LRBA: variants seen among roughly 807,000 people sequenced by gnomAD.
The protein encoded by LRBA is LPS responsive beige-like anchor protein, also known as lipopolysaccharide-responsive and beige-like anchor protein.
Under a neutral mutation model 330.0 loss-of-function variants are expected in LRBA, and 176 were observed. That is an observed-to-expected ratio of 0.53 (90% confidence interval 0.47 to 0.60). The LOEUF (loss-of-function observed/expected upper bound fraction) is 0.60. LRBA is among the 20% of genes least tolerant of loss of function. The probability of loss-of-function intolerance (pLI) is 0.00; values close to 1 mark genes in which losing one functional copy is unlikely to be tolerated. For missense variants in LRBA, 3,259 were observed against 3,444.8 expected (o/e 0.95, Z 1.35); for synonymous variants, 1,230 against 1,193.0 (o/e 1.03, Z -0.64).
At chr4:150,490,450 T>C (rs1758773472) in intron 41 of LRBA, among the ~76,000 whole-genome samples, 1 of 151,870 alleles carries the variant, frequency 6.6e-6, no homozygotes, top group African/African-American at 2.4e-5. Flanking sequence ...TCAAGAATGA[T>C]GAAATACAGA....
chr4:150,840,837 TA>T (rs1748964083), intron 28 of LRBA: 10 of 833,112 alleles, frequency 1.2e-5, no homozygotes, highest in Non-Finnish European at 1.5e-5. Flanking sequence ...CAAAGCACAG[TA>T]AAATGAGGCA....
rs1553954471 is a variant in LRBA, at chr4:150,754,541, A to AAAG, written c.5645+7241_5645+7242insCTT. ...CTCACCAAAAAAAAAAAAAAAAAAA[A>AAAG]AGAGAGAGAGAGAGATAAAGTCTCT... On this transcript the variant is annotated intron_variant, in intron 35 of 56. Coordinates refer to ENST00000651943, the MANE Select transcript of LRBA (RefSeq NM_001364905.1). 2.5e-4 allele frequency among the ~76,000 whole-genome samples: 30 copies of AAAG among 119,114 alleles called. 1 individual carries two copies. Among genetic ancestry groups the AAAG allele is most frequent in the East Asian group, 2.1e-3 (8 of 3,900 alleles). 78.1% of individuals were successfully genotyped at this position (119,114 alleles called of 152,430 possible).
At chr4:150,824,411 T>G (rs1745929159) in intron 30 of LRBA, among the ~76,000 whole-genome samples, 1 of 152,182 alleles carries the variant, frequency 6.6e-6, no homozygotes, top group Non-Finnish European at 1.5e-5. Context: ...CATTTCTTTC[T>G]CTTGTCTGAT....
At chr4:150,821,775 A>G (rs1745479346) in intron 30 of LRBA, among the ~76,000 whole-genome samples, 1 of 152,176 alleles carries the variant, frequency 6.6e-6, no homozygotes. Context: ...CCTGGCATTC[A>G]CTAATCATCA....
At position 150,755,269 on chromosome 4, in the gene LRBA, G is replaced by A. The variant is rs190521922; in HGVS notation, c.5645+6514C>T. Reference sequence around the variant, plus strand: ...CTCGAAGCATTATGTCTTTTATGTGGGCTATTTATATATTTGTATACAAGT... The same window carrying A: ...CTCGAAGCATTATGTCTTTTATGTGAGCTATTTATATATTTGTATACAAGT... On this transcript the variant is annotated intron_variant, in intron 35 of 56. Transcript: ENST00000651943. Among the ~76,000 whole-genome samples, 51 of 152,254 alleles carry A rather than the reference G, an allele frequency of 3.3e-4. 1 individual carries two copies. The highest frequency in any genetic ancestry group is 1.2e-3 in the African/African-American group (51 of 41,550).
At chr4:150,480,422 T>C (rs1757169632) in intron 42 of LRBA, among the ~76,000 whole-genome samples, 1 of 152,038 alleles carries the variant, frequency 6.6e-6, no homozygotes, top group Non-Finnish European at 1.5e-5. Context: ...TACAAAATCC[T>C]TAATCTATAG....
intron 17 of LRBA, among the ~76,000 whole-genome samples, chr4:150,876,187 G>A (rs553401992): frequency 7.9e-5 from 12 of 152,146 alleles, no homozygotes; most frequent in African/African-American, 2.6e-4. Context: ...TCAAAAACAG[G>A]TTGAAAAATG....
At chr4:150,929,162 T>C in intron 2 of LRBA, 97 bp from the exon 3 acceptor site, 1 of 693,496 alleles carries the variant, frequency 1.4e-6, no homozygotes, top group Non-Finnish European at 2.3e-6. Context: ...ACTACTCACA[T>C]TCTTCCTCCA....
chr4:150,442,764 G>T (rs1752003294), intron 44 of LRBA, among the ~76,000 whole-genome samples: 1 of 152,018 alleles, frequency 6.6e-6, no homozygotes. Flanking sequence ...TCAGGTTAAA[G>T]GACAGAATAT....
chr4:150,402,243 C>G (rs2151930060), intron 47 of LRBA, among the ~76,000 whole-genome samples: 1 of 147,706 alleles, frequency 6.8e-6, no homozygotes, highest in East Asian at 2.0e-4. Context: ...AGATCAGGCA[C>G]TTTCAGGGTG....
At chr4:150,962,133 A>C (rs1287459737) in intron 2 of LRBA, among the ~76,000 whole-genome samples, 1 of 149,486 alleles carries the variant, frequency 6.7e-6, no homozygotes, top group Non-Finnish European at 1.5e-5. Flanking sequence ...AAACAATTCA[A>C]TAAACAGCAT....
chr4:150,999,831 G>A lies in LRBA; in HGVS notation c.216+14596C>T, dbSNP rs546729824. Among the ~76,000 whole-genome samples the A allele has an allele frequency of 9.9e-5, 15 of 152,142 alleles. No individual in the cohort carries two copies. The East Asian group carries it at 2.1e-3, about 21-fold the overall frequency. On this transcript the variant is annotated intron_variant, in intron 2 of 56. Transcript: ENST00000651943. ...ACTATGTGTCAAGTACTCTTCTAGGGGCTAGGGATGCAATAAGCAAAACAG... is the reference window on the plus strand; with the variant it reads ...ACTATGTGTCAAGTACTCTTCTAGGAGCTAGGGATGCAATAAGCAAAACAG...
chr4:150,555,525 C>A (rs909930713), intron 40 of LRBA, among the ~76,000 whole-genome samples: 2 of 151,892 alleles, frequency 1.3e-5, no homozygotes, highest in Non-Finnish European at 2.9e-5. Flanking sequence ...CCAAGGTGGG[C>A]GGATCACAAG....
intron 13 of LRBA, among the ~76,000 whole-genome samples, chr4:150,902,423 T>C (rs558815477): frequency 2.0e-5 from 3 of 152,170 alleles, no homozygotes; most frequent in Admixed American, 2.0e-4. Context: ...GAGAATAGGG[T>C]CTGGAGGCAG....
At chr4:150,479,736 G>C (rs150010738) in intron 42 of LRBA, among the ~76,000 whole-genome samples, 23 of 152,206 alleles carry the variant, frequency 1.5e-4, no homozygotes, top group African/African-American at 5.3e-4. Flanking sequence ...TTAAAAATTG[G>C]GGTTTCTGCT....
At chr4:150,848,783 TTTTAGTAAATTCC>T (rs781079488) in intron 26 of LRBA, 22 bp downstream of exon 26, 2 of 1,539,314 alleles carry the variant, frequency 1.3e-6, no homozygotes, top group South Asian at 2.5e-5. Context: ...GAAAAATTTT[TTTTAGTAAATTCC>T]CAACGGTTTT....
chr4:150,730,514 C>T (rs144238995), intron 36 of LRBA, among the ~76,000 whole-genome samples: 3 of 151,650 alleles, frequency 2.0e-5, no homozygotes, highest in African/African-American at 4.8e-5. Context: ...AAAATCCCAT[C>T]TCTACTAAAA....
Position 150,831,808 on chromosome 4 carries a change from C to A in LRBA, c.4729+9G>T, listed in dbSNP as rs775654523. On this transcript the variant is annotated intron_variant, in intron 29 of 56. Transcript: ENST00000651943. The stretch of plus-strand genomic sequence containing the variant: ...CTTTGGTACAAAGGAATAGAAAATG[C>A]AAACTTACCAGAGAGTGATACATTC... 9.6e-6 allele frequency: 15 copies of A among 1,569,824 alleles called. No individual in the cohort carries two copies. Among genetic ancestry groups the A allele is most frequent in the Non-Finnish European group, 1.2e-5 (14 of 1,157,454 alleles).
intron 46 of LRBA, among the ~76,000 whole-genome samples, chr4:150,432,159 C>T (rs17589028): frequency 0.15 from 22,471 of 151,714 alleles, 1,681 homozygotes; most frequent in Middle Eastern, 0.17. Flanking sequence ...TTCTTCATAC[C>T]TTACATTTCG....
Sources: gnomAD v4.1 joint callset for allele counts (sites outside exome capture counted in the v4.1 genomes callset) on GRCh38, gnomAD v4.1.1 for gene constraint, MANE v1.5 for transcripts, NCBI Gene and HGNC (gene_info 2026-07-23, HGNC 2026-07-21) for gene names.